Variants in KDM4B observed in about 807,000 individuals in gnomAD.
KDM4B encodes the protein lysine demethylase 4B.
Under a neutral mutation model 125.2 loss-of-function variants are expected in KDM4B, and 32 were observed. That is an observed-to-expected ratio of 0.26 (90% CI 0.19 to 0.34). The LOEUF (loss-of-function observed/expected upper bound fraction) is 0.34. Among genes scored for constraint, KDM4B ranks in the 10% least tolerant of loss-of-function variants. The pLI is 1.00. For missense variants in KDM4B, 1,190 were observed against 1,577.7 expected, an observed-to-expected ratio of 0.75 and a Z score of 4.16; for synonymous variants, 721 against 677.9, an observed-to-expected ratio of 1.06 and a Z score of -0.99.
At chr19:5,066,416 G>A (rs1397604630) in intron 6 of KDM4B, among the ~76,000 whole-genome samples, 1 of 152,054 alleles carries the variant, frequency 6.6e-6, no homozygotes, top group African/African-American at 2.4e-5. Flanking sequence ...GGGCCTAGGA[G>A]GTCACTGTGC....
In KDM4B at chr19:5,114,418, C is replaced by A; in HGVS notation, c.1115+3600C>A. The A allele has an allele frequency of 2.3e-6, 1 of 437,532 alleles. No homozygotes were observed. Among genetic ancestry groups the A allele is most frequent in the Non-Finnish European group, 4.5e-6 (1 of 222,814 alleles). The allele number at this position is 437,532 out of a possible 1,614,324, so 27.1% of individuals were successfully genotyped here. A position where few individuals can be genotyped will look rare whatever the true frequency, so the allele number is the denominator to read the frequency against. ...GACACCGCCACGCCTCTGGCCCCGA[C>A]TCCTGCCAGGGCTGCCACGGCTGCC... On this transcript the variant is annotated intron_variant, in intron 10 of 22. Transcript: ENST00000159111. The surrounding 1 kb of genome is among the most constrained non-coding windows in gnomAD (Gnocchi z 5.8).
In KDM4B at chr19:5,134,015, C is replaced by T. The variant is rs149752315; in HGVS notation, c.2039C>T (p.Thr680Met). 1.6e-5 allele frequency: 26 copies of T among 1,610,460 alleles called. No individual in the cohort carries two copies. Among genetic ancestry groups the T allele is most frequent in the East Asian group, 1.1e-4 (5 of 44,866 alleles). Residue 680 changes from threonine to methionine, a missense_variant, in exon 14 of 23, where the codon ACG (threonine) becomes ATG (methionine). Thr to Met is a moderately conservative substitution (Grantham distance 81, BLOSUM62 -1). This residue lies in a region of KDM4B where 128 missense variants were observed against 137.8 expected (regional missense o/e 0.93). Transcript: ENST00000159111. Reference protein sequence around the residue: ...ERKFNAAAARTEPYCAICTLF... With the variant: ...ERKFNAAAARMEPYCAICTLF... ...AAGTTCAACGCAGCGGCTGCGCGCACGGAGCCCTACTGCGCCATCTGCACG... is the reference window on the plus strand; with the variant it reads ...AAGTTCAACGCAGCGGCTGCGCGCATGGAGCCCTACTGCGCCATCTGCACG...
At chr19:5,055,082 C>T (rs895138344) in intron 6 of KDM4B, among the ~76,000 whole-genome samples, 20 of 152,292 alleles carry the variant, frequency 1.3e-4, no homozygotes, top group African/African-American at 4.3e-4. Context: ...ACAGCTTCTC[C>T]GGCTGGCCTG....
intron 9 of KDM4B, among the ~76,000 whole-genome samples, chr19:5,083,544 G>T (rs947214748): frequency 6.6e-6 from 1 of 152,222 alleles, no homozygotes; most frequent in African/African-American, 2.4e-5. Flanking sequence ...AGTCCCCTGC[G>T]TGCTTTTCCT....
chr19:5,048,909 G>T (rs1398415216), intron 6 of KDM4B, among the ~76,000 whole-genome samples: 3 of 152,200 alleles, frequency 2.0e-5, no homozygotes, highest in African/African-American at 7.2e-5. Flanking sequence ...AAGCAGGGGG[G>T]TCAGGGACAT....
At chr19:5,049,997 T>C (rs1005194998) in intron 6 of KDM4B, among the ~76,000 whole-genome samples, 1 of 152,130 alleles carries the variant, frequency 6.6e-6, no homozygotes, top group South Asian at 2.1e-4. Flanking sequence ...TGGGAGATGC[T>C]TCCCCCCTCT....
chr19:5,100,573 G>A (rs550900584), intron 9 of KDM4B, among the ~76,000 whole-genome samples: 11 of 152,252 alleles, frequency 7.2e-5, no homozygotes, highest in Middle Eastern at 6.8e-3. Context: ...GACTACAGGT[G>A]TGTGCCACCA....
At chr19:5,126,655 T>A in intron 11 of KDM4B, among the ~76,000 whole-genome samples, 1 of 152,176 alleles carries the variant, frequency 6.6e-6, no homozygotes, top group South Asian at 2.1e-4. Flanking sequence ...CTGCCATGTC[T>A]GGAGGGCGGC....
At chr19:5,010,946 C>T (rs1371259081) in intron 1 of KDM4B, among the ~76,000 whole-genome samples, 4 of 152,214 alleles carry the variant, frequency 2.6e-5, no homozygotes, top group Admixed American at 6.5e-5. Flanking sequence ...CTGCACCTGG[C>T]GCTCAATTGC....
chr19:5,034,795 C>G (rs569290786), intron 3 of KDM4B, among the ~76,000 whole-genome samples: 1 of 152,324 alleles, frequency 6.6e-6, no homozygotes, highest in African/African-American at 2.4e-5. Flanking sequence ...CAGTCTCGCA[C>G]CATCTTTTCT....
intron 1 of KDM4B, among the ~76,000 whole-genome samples, chr19:5,001,292 G>A (rs1178577038): frequency 6.6e-6 from 1 of 152,114 alleles, no homozygotes; most frequent in African/African-American, 2.4e-5. Context: ...CCAAAGTGCT[G>A]GAATTACAGG....
At position 5,111,517 on chromosome 19, in the gene KDM4B, G is replaced by T. The variant is rs761377846; in HGVS notation, c.1115+699G>T. 5.2e-6 allele frequency: 4 copies of T among 765,108 alleles called. No homozygotes were observed. The East Asian group carries it at 9.7e-5, about 19-fold the overall frequency. The allele number at this position is 765,108 out of a possible 1,614,324, so 47.4% of individuals were successfully genotyped here. On this transcript the variant is annotated intron_variant, in intron 10 of 22. Transcript: ENST00000159111. ...CACGGAGGCAGGTCCCGGCCTAGGA[G>T]GAGATCCACTTCATGCCCAGAGTGA...
chr19:5,055,580 C>T (rs112513302), intron 6 of KDM4B, among the ~76,000 whole-genome samples: 8 of 152,102 alleles, frequency 5.3e-5, no homozygotes, highest in Non-Finnish European at 1.2e-4. Context: ...GTGGGCACCC[C>T]GCAGCAGGCG....
chr19:5,063,738 G>A (rs1276059062), intron 6 of KDM4B, among the ~76,000 whole-genome samples: 1 of 152,272 alleles, frequency 6.6e-6, no homozygotes, highest in Non-Finnish European at 1.5e-5. Flanking sequence ...TGTTTGTGGT[G>A]CAGTTTCCAT....
rs1363205268 is a variant in KDM4B, at chr19:5,144,080, G to A, written c.2664G>A (p.Val888=). The A allele has an allele frequency of 6.2e-7, 1 of 1,605,788 alleles. No homozygotes were observed. The highest frequency in any genetic ancestry group is 1.1e-5 in the South Asian group (1 of 90,968). The change falls in exon 19 of 23, where the codon GTG becomes GTA. Residue 888 remains valine, a synonymous_variant. Transcript: ENST00000159111. ...FHVTCAHAAG[V]LMEPDDWPYV... is the part of the protein sequence containing the mutation. ...TGACCTGCGCCCACGCCGCAGGCGTGCTCATGGAGCCGGACGACTGGCCCT... is the reference window on the plus strand; with the variant it reads ...TGACCTGCGCCCACGCCGCAGGCGTACTCATGGAGCCGGACGACTGGCCCT...
chr19:4,983,135 CTTTTTTTT>C (rs76958173), intron 1 of KDM4B, among the ~76,000 whole-genome samples: 6 of 130,660 alleles, frequency 4.6e-5, no homozygotes, highest in Non-Finnish European at 1.0e-4. Flanking sequence ...TTTTTCTTTT[CTTTTTTTT>C]TTTTTTTTGG....
chr19:5,038,336 C>G (rs1174611604), intron 3 of KDM4B, among the ~76,000 whole-genome samples: 3 of 152,204 alleles, frequency 2.0e-5, no homozygotes, highest in Non-Finnish European at 2.9e-5. Context: ...CTCACCCCCA[C>G]CAGAGGAGGG....
chr19:5,021,551 C>A (rs907497465), intron 2 of KDM4B, among the ~76,000 whole-genome samples: 1 of 151,472 alleles, frequency 6.6e-6, no homozygotes, highest in Non-Finnish European at 1.5e-5. Context: ...CCAGCCTGGG[C>A]GATACAGCAA....
Position 5,131,414 on chromosome 19 carries a change from G to A in KDM4B, c.1654G>A (p.Glu552Lys). ...GCACGTGTCCTGCCAGCAGGCCTTTGAGCACTTTGCCCAGAAGGGTCCGAC... is the reference window on the plus strand; with the variant it reads ...GCACGTGTCCTGCCAGCAGGCCTTTAAGCACTTTGCCCAGAAGGGTCCGAC... ...QEHVSCQQAF[E>K]HFAQKGPTWK... The change falls in exon 12 of 23, where the codon GAG (glutamate) becomes AAG (lysine). Residue 552 changes from glutamate (E) to lysine (K), a missense_variant. Transcript: ENST00000159111. 3 of 1,611,234 alleles carry A rather than the reference G, an allele frequency of 1.9e-6. No homozygotes were observed. The South Asian group carries it at 3.3e-5, about 18-fold the overall frequency.
Sources: allele counts gnomAD v4.1 joint callset (sites outside exome capture counted in the v4.1 genomes callset), GRCh38; gene constraint gnomAD v4.1.1; regional missense constraint gnomAD v4.1.1; non-coding constraint Gnocchi (gnomAD v3.1); transcripts MANE v1.5; gene names NCBI Gene and HGNC (gene_info 2026-07-23, HGNC 2026-07-21).